Variants in RABGAP1L observed in about 807,000 individuals in gnomAD.
RABGAP1L encodes the protein rab GTPase-activating protein 1-like.
RABGAP1L carries 63 observed loss-of-function variants against 137.7 expected under a neutral mutation model. The ratio of observed to expected loss-of-function variants is 0.46; its 90% confidence interval spans 0.37 to 0.56. The LOEUF is 0.56. Ranked by LOEUF, RABGAP1L falls within the 20% of genes least tolerant of loss-of-function variation. The pLI, the probability that RABGAP1L is intolerant of heterozygous loss-of-function variation, is 0.00. For missense variants in RABGAP1L, 1,095 were observed against 1,244.0 expected, an observed-to-expected ratio of 0.88 and a Z score of 1.80; for synonymous variants, 431 against 433.7, an observed-to-expected ratio of 0.99 and a Z score of 0.08.
At chr1:174,949,755 A>G (rs1424018016) in intron 19 of RABGAP1L, among the ~76,000 whole-genome samples, 1 of 152,242 alleles carries the variant, frequency 6.6e-6, no homozygotes, top group Non-Finnish European at 1.5e-5. Context: ...GGAAATATCT[A>G]AAGCAGAAGT....
At chr1:174,982,706 C>T (rs1671243921) in intron 23 of RABGAP1L, 128 bp from the exon 24 acceptor site, 3 of 886,218 alleles carry the variant, frequency 3.4e-6, no homozygotes, top group Admixed American at 2.3e-5. Flanking sequence ...ATTTGCAGTG[C>T]TATTCATTTG....
intron 13 of RABGAP1L, among the ~76,000 whole-genome samples, chr1:174,605,465 G>A (rs1670717862): frequency 6.6e-6 from 1 of 151,798 alleles, no homozygotes; most frequent in Non-Finnish European, 1.5e-5. Flanking sequence ...GGTAGCTATT[G>A]CTTTGATTAT....
rs61828142 is a variant in RABGAP1L, at chr1:174,906,079, C to A, written c.2341-51378C>A. 4.4e-4 allele frequency among the ~76,000 whole-genome samples: 67 copies of A among 151,882 alleles called. No individual in the cohort carries two copies. The South Asian group carries it at 6.0e-3, about 14-fold the overall frequency. ...ATCACCCAGGTCGGAGTGCAGTGGCCCCATCTCCACTCACTGCAACCTCTG... is the reference window on the plus strand; with the variant it reads ...ATCACCCAGGTCGGAGTGCAGTGGCACCATCTCCACTCACTGCAACCTCTG... On this transcript the variant is annotated intron_variant, in intron 19 of 25. Transcript: ENST00000681986.
intron 18 of RABGAP1L, among the ~76,000 whole-genome samples, chr1:174,809,470 C>CT: frequency 6.6e-6 from 1 of 152,338 alleles, no homozygotes; most frequent in East Asian, 1.9e-4. Context: ...TGATACCAAT[C>CT]TATCTGCTTT....
intron 13 of RABGAP1L, among the ~76,000 whole-genome samples, chr1:174,465,982 G>A (rs1274183459): frequency 3.9e-5 from 6 of 152,180 alleles, no homozygotes; most frequent in Non-Finnish European, 8.8e-5. Flanking sequence ...ATCGTTAGCC[G>A]CAGTATTCTC....
intron 11 of RABGAP1L, among the ~76,000 whole-genome samples, chr1:174,323,250 A>G (rs776196581): frequency 5.9e-5 from 9 of 152,126 alleles, no homozygotes; most frequent in Admixed American, 2.0e-4. Flanking sequence ...AGAAATAACT[A>G]TTATCATCTG....
chr1:174,637,104 G>A (rs925382779), intron 13 of RABGAP1L, among the ~76,000 whole-genome samples: 1 of 152,152 alleles, frequency 6.6e-6, no homozygotes, highest in Non-Finnish European at 1.5e-5. Flanking sequence ...GGAGATGTAT[G>A]TATACAACTT....
At chr1:174,405,604 G>T (rs993643283) in intron 13 of RABGAP1L, among the ~76,000 whole-genome samples, 1 of 152,154 alleles carries the variant, frequency 6.6e-6, no homozygotes. Flanking sequence ...AATGAGGCAG[G>T]CAAGGAGAAT....
At chr1:174,477,381 A>G (rs1025053071) in intron 13 of RABGAP1L, among the ~76,000 whole-genome samples, 3 of 152,236 alleles carry the variant, frequency 2.0e-5, no homozygotes, top group African/African-American at 7.2e-5. Context: ...ATATATAGTA[A>G]TCATCAATGT....
chr1:174,587,571 C>G (rs965364849), intron 13 of RABGAP1L, among the ~76,000 whole-genome samples: 1 of 151,998 alleles, frequency 6.6e-6, no homozygotes, highest in African/African-American at 2.4e-5. Context: ...CAACTGTGTA[C>G]CATTATAATC....
chr1:174,398,625 T>C (rs1355067471), intron 13 of RABGAP1L, among the ~76,000 whole-genome samples: 1 of 152,206 alleles, frequency 6.6e-6, no homozygotes, highest in African/African-American at 2.4e-5. Context: ...TAAAGACTTT[T>C]TCTTAAGCAC....
At chr1:174,329,537 A>T (rs1343269361) in intron 11 of RABGAP1L, among the ~76,000 whole-genome samples, 4 of 152,170 alleles carry the variant, frequency 2.6e-5, no homozygotes, top group African/African-American at 9.7e-5. Flanking sequence ...AAAAGAGAAA[A>T]CTACAGACTG....
chr1:174,752,147 A>G (rs976034261), intron 17 of RABGAP1L, among the ~76,000 whole-genome samples, 166 bp from the exon 18 acceptor site: 2 of 152,146 alleles, frequency 1.3e-5, no homozygotes, highest in Non-Finnish European at 2.9e-5. Context: ...ATAACAAGCC[A>G]CTCAGGGAAA....
chr1:174,892,385 C>T, intron 19 of RABGAP1L: 3 of 366,926 alleles, frequency 8.2e-6, no homozygotes, highest in African/African-American at 4.3e-5. Flanking sequence ...TTTCTATTTC[C>T]AGCTCCACCA....
At chr1:174,165,469 A>G (rs992799395) in intron 1 of RABGAP1L, among the ~76,000 whole-genome samples, 1 of 151,724 alleles carries the variant, frequency 6.6e-6, no homozygotes. Context: ...TTTTAAGGAT[A>G]AAAGAAGAGG....
chr1:174,702,666 C>T (rs1679747123), intron 17 of RABGAP1L, among the ~76,000 whole-genome samples: 1 of 152,018 alleles, frequency 6.6e-6, no homozygotes, highest in African/African-American at 2.4e-5. Context: ...CTCAGTTCAT[C>T]AGATATCTTT....
At chr1:174,523,177 C>T (rs1663578190) in intron 13 of RABGAP1L, among the ~76,000 whole-genome samples, 2 of 152,104 alleles carry the variant, frequency 1.3e-5, no homozygotes, top group South Asian at 2.1e-4. Context: ...TTACAAATTC[C>T]CTGGGAGTTC....
At chr1:174,317,815 A>C (rs1461699323) in intron 11 of RABGAP1L, among the ~76,000 whole-genome samples, 1 of 152,072 alleles carries the variant, frequency 6.6e-6, no homozygotes, top group Non-Finnish European at 1.5e-5. Flanking sequence ...TCAAATTTGT[A>C]CCGCTGGGGT....
chr1:174,467,544 A>C (rs978932918), intron 13 of RABGAP1L, among the ~76,000 whole-genome samples: 1 of 152,140 alleles, frequency 6.6e-6, no homozygotes, highest in African/African-American at 2.4e-5. Flanking sequence ...GTTTCTACTA[A>C]ATAAATGTAA....
Sources: gnomAD v4.1 joint callset for allele counts (sites outside exome capture counted in the v4.1 genomes callset) on GRCh38, gnomAD v4.1.1 for gene constraint, MANE v1.5 for transcripts, NCBI Gene and HGNC (gene_info 2026-07-23, HGNC 2026-07-21) for gene names.